The following GRM1 variants were observed in gnomAD, a reference collection of about 807,000 sequenced individuals.
The protein encoded by GRM1 is metabotropic glutamate receptor 1.
Under a neutral mutation model 90.9 loss-of-function variants are expected in GRM1, and 33 were observed. The observed-to-expected ratio is 0.36, with a 90% confidence interval of 0.28 to 0.49. The LOEUF is 0.49. GRM1 is among the 20% of genes least tolerant of loss of function. The pLI is 0.99. For missense variants in GRM1, 1,190 were observed against 1,534.3 expected, an observed-to-expected ratio of 0.78 and a Z score of 3.75; for synonymous variants, 700 against 613.2, an observed-to-expected ratio of 1.14 and a Z score of -2.09.
At chr6:146,406,765 C>T (rs988426014) in intron 7 of GRM1, among the ~76,000 whole-genome samples, 3 of 151,926 alleles carry the variant, frequency 2.0e-5, no homozygotes, top group Non-Finnish European at 4.4e-5. Context: ...ACCTAGGAGG[C>T]GAAGGTTGCA....
intron 2 of GRM1, among the ~76,000 whole-genome samples, chr6:146,272,091 T>C (rs955568460): frequency 3.9e-5 from 6 of 152,178 alleles, no homozygotes; most frequent in Non-Finnish European, 7.4e-5. Flanking sequence ...CCTTCCCTTA[T>C]GGATACACAT....
At chr6:146,289,808 C>A (rs145711522) in intron 2 of GRM1, among the ~76,000 whole-genome samples, 36 of 152,232 alleles carry the variant, frequency 2.4e-4, no homozygotes, top group African/African-American at 8.4e-4. Context: ...GATTTATATG[C>A]TGGTAACAAT....
At chr6:146,081,113 G>A (rs1470546902) in intron 1 of GRM1, among the ~76,000 whole-genome samples, 1 of 152,142 alleles carries the variant, frequency 6.6e-6, no homozygotes, top group African/African-American at 2.4e-5. Context: ...TAAAAGCTGT[G>A]GAGTCTCCAA....
At chr6:146,219,813 C>T (rs750569870) in intron 2 of GRM1, among the ~76,000 whole-genome samples, 8 of 151,994 alleles carry the variant, frequency 5.3e-5, no homozygotes, top group Non-Finnish European at 1.2e-4. Context: ...AAGAATAAAG[C>T]TAAGAGTTTA....
In GRM1 at chr6:146,352,559, A is replaced by G. The variant is rs141392365; in HGVS notation, c.1433+63A>G. 521 of 1,531,306 alleles carry G rather than the reference A, an allele frequency of 3.4e-4. 2 individuals carry two copies. In the African/African-American group the frequency reaches 6.3e-3, roughly 19 times the overall value. 94.9% of individuals were successfully genotyped at this position (1,531,306 alleles called of 1,614,324 possible). A position where few individuals can be genotyped will look rare whatever the true frequency, so the allele number is the denominator to read the frequency against. ...GCCTTCCTGTGCCAGACAGATGGCA[A>G]CTGTGGCTTCATCTGGTTCCATGGT... On this transcript the variant is annotated intron_variant, in intron 4 of 7. Transcript: ENST00000282753.
chr6:146,057,760 G>A (rs1484306539), intron 1 of GRM1, among the ~76,000 whole-genome samples: 1 of 151,940 alleles, frequency 6.6e-6, no homozygotes, highest in Non-Finnish European at 1.5e-5. Context: ...ATTAATTTGT[G>A]ACACTGAGTA....
intron 1 of GRM1, among the ~76,000 whole-genome samples, chr6:146,084,366 G>A (rs565512730): frequency 1.8e-4 from 27 of 151,900 alleles, no homozygotes; most frequent in Admixed American, 5.9e-4. Context: ...TTTCTGATGC[G>A]GGCATTGAGT....
intron 1 of GRM1, among the ~76,000 whole-genome samples, chr6:146,085,446 A>G (rs1326990854): frequency 6.6e-6 from 1 of 152,160 alleles, no homozygotes; most frequent in Non-Finnish European, 1.5e-5. Flanking sequence ...CATAATTCTG[A>G]TTCAAACATG....
rs1251190520 is a variant in GRM1 at position 146,387,006 on chromosome 6, A to G, written c.1719A>G (p.Ala573=). The G allele has an allele frequency of 6.2e-7, 1 of 1,613,096 alleles. No homozygotes were observed. Among genetic ancestry groups the G allele is most frequent in the South Asian group, 1.1e-5 (1 of 91,068 alleles). ...KACDLGWWPN[A]DLTGCEPIPV... ...GTGACTTGGGATGGTGGCCCAATGCAGATCTAACAGGTAGGAACTGCCTCA... is the reference window on the plus strand; with the variant it reads ...GTGACTTGGGATGGTGGCCCAATGCGGATCTAACAGGTAGGAACTGCCTCA... Residue 573 remains alanine, a synonymous_variant, in exon 6 of 8, where the codon GCA becomes GCG. Coordinates refer to ENST00000282753, the MANE Select transcript of GRM1 (RefSeq NM_001278064.2).
At chr6:146,313,464 G>C (rs1200157785) in intron 3 of GRM1, among the ~76,000 whole-genome samples, 1 of 152,112 alleles carries the variant, frequency 6.6e-6, no homozygotes, top group African/African-American at 2.4e-5. Context: ...ATTTAGGTTA[G>C]TATCTATTTA....
At chr6:146,093,936 A>T (rs1490863581) in intron 1 of GRM1, among the ~76,000 whole-genome samples, 2 of 152,244 alleles carry the variant, frequency 1.3e-5, no homozygotes, top group South Asian at 2.1e-4. Context: ...AGTTCATATC[A>T]TATCAGGCCT....
intron 1 of GRM1, among the ~76,000 whole-genome samples, chr6:146,053,849 G>A (rs1775388185): frequency 6.6e-6 from 1 of 152,032 alleles, no homozygotes; most frequent in Non-Finnish European, 1.5e-5. Flanking sequence ...GTATATGAAT[G>A]TGCCTCAGTT....
At chr6:146,109,470 C>T (rs1323527429) in intron 1 of GRM1, among the ~76,000 whole-genome samples, 2 of 152,178 alleles carry the variant, frequency 1.3e-5, no homozygotes, top group Admixed American at 1.3e-4. Context: ...GAACCTCTGC[C>T]TAGATTTCAG....
chr6:146,055,721 G>A (rs1775460672), intron 1 of GRM1, among the ~76,000 whole-genome samples: 1 of 152,180 alleles, frequency 6.6e-6, no homozygotes, highest in East Asian at 1.9e-4. Flanking sequence ...TGGGTAATAT[G>A]TGGTTTTACA....
chr6:146,246,427 G>A (rs143349149), intron 2 of GRM1, among the ~76,000 whole-genome samples: 1 of 152,138 alleles, frequency 6.6e-6, no homozygotes, highest in East Asian at 1.9e-4. Flanking sequence ...AATAGCTTTG[G>A]AAGGTACAGC....
intron 2 of GRM1, among the ~76,000 whole-genome samples, chr6:146,229,309 T>C (rs1780364725): frequency 6.6e-6 from 1 of 151,156 alleles, no homozygotes; most frequent in Non-Finnish European, 1.5e-5. Context: ...TGAATAGTGT[T>C]GCACAGGTTA....
intron 7 of GRM1, among the ~76,000 whole-genome samples, chr6:146,426,809 C>T: frequency 6.6e-6 from 1 of 152,134 alleles, no homozygotes; most frequent in Non-Finnish European, 1.5e-5. Context: ...GTCCATCGTT[C>T]TTAAAAGGAC....
intron 2 of GRM1, among the ~76,000 whole-genome samples, chr6:146,229,247 G>A (rs1308760102): frequency 4.6e-5 from 7 of 151,700 alleles, no homozygotes; most frequent in Admixed American, 1.3e-4. Flanking sequence ...GCCTCCAAAA[G>A]TGCTGGGATT....
chr6:146,090,929 G>GA (rs953130863), intron 1 of GRM1, among the ~76,000 whole-genome samples: 4 of 151,400 alleles, frequency 2.6e-5, no homozygotes, highest in South Asian at 2.1e-4. Context: ...CTGAGTTTGG[G>GA]AAAAAAAACC....
Sources: gnomAD v4.1 joint callset for allele counts (sites outside exome capture counted in the v4.1 genomes callset) on GRCh38, gnomAD v4.1.1 for gene constraint, MANE v1.5 for transcripts, NCBI Gene and HGNC (gene_info 2026-07-23, HGNC 2026-07-21) for gene names.